The following OSBP variants were observed in gnomAD, a reference collection of about 807,000 sequenced individuals.
The protein encoded by OSBP is oxysterol binding protein, also known as oxysterol-binding protein 1.
In OSBP, 32 loss-of-function variants were observed where a neutral mutation model predicts 96.6. The ratio of observed to expected loss-of-function variants is 0.33; its 90% CI spans 0.25 to 0.45. The LOEUF (loss-of-function observed/expected upper bound fraction) is 0.45, where lower values mean the gene tolerates loss of function less well. Ranked by LOEUF, OSBP falls within the 20% of genes least tolerant of loss-of-function variation. The pLI is 1.00. For missense variants in OSBP, 653 were observed against 1,029.7 expected, an observed-to-expected ratio of 0.63 and a Z score of 5.01; for synonymous variants, 369 against 389.6, an observed-to-expected ratio of 0.95 and a Z score of 0.62.
chr11:59,589,907 CAGG>C (rs768748337), intron 9 of OSBP, among the ~76,000 whole-genome samples: 4 of 151,842 alleles, frequency 2.6e-5, no homozygotes, highest in Non-Finnish European at 5.9e-5. Flanking sequence ...CGCTTGAACC[CAGG>C]AGGAGGAGGT....
intron 7 of OSBP, among the ~76,000 whole-genome samples, chr11:59,596,895 A>G (rs1233065850): frequency 6.6e-6 from 1 of 152,022 alleles, no homozygotes; most frequent in Non-Finnish European, 1.5e-5. Context: ...GCCTGAAAAA[A>G]CACTTCCTAG....
rs902678365 is a variant in OSBP, at chr11:59,615,633, C to T, written c.32G>A (p.Gly11Glu). The T allele has an allele frequency of 2.9e-6, 4 of 1,384,264 alleles. No individual in the cohort carries two copies. The African/African-American group carries it at 6.0e-5, about 21-fold the overall frequency. 85.7% of individuals were successfully genotyped at this position (1,384,264 alleles called of 1,614,324 possible). The change falls in exon 1 of 14, where the codon GGG (glycine) becomes GAG (glutamate). Residue 11 changes from glycine to glutamate, a missense_variant. Gly to Glu is a moderately conservative substitution (Grantham distance 98, BLOSUM62 -2). This residue lies in a region of OSBP where 151 missense variants were observed against 146.1 expected (regional missense o/e 1.03). Coordinates refer to ENST00000263847, the MANE Select transcript of OSBP (RefSeq NM_002556.3). Reference sequence around the variant, plus strand: ...TGCTGCAATGGCTGCCGGGCCTGGCCCCACCACTCCTCTCAGCTCCGTCGC... The same window carrying T: ...TGCTGCAATGGCTGCCGGGCCTGGCTCCACCACTCCTCTCAGCTCCGTCGC... MAATELRGVV[G>E]PGPAAIAALG...
At chr11:59,614,147 T>G (rs1185963734) in intron 1 of OSBP, among the ~76,000 whole-genome samples, 1 of 152,252 alleles carries the variant, frequency 6.6e-6, no homozygotes, top group African/African-American at 2.4e-5. Flanking sequence ...AATTACTTGC[T>G]ATTGATAAGC....
intron 9 of OSBP, among the ~76,000 whole-genome samples, chr11:59,589,062 A>G (rs1860540832): frequency 6.6e-6 from 1 of 152,082 alleles, no homozygotes; most frequent in South Asian, 2.1e-4. Flanking sequence ...TGGAAAAAGG[A>G]CAAAAAGAAA....
chr11:59,593,478 G>T, intron 9 of OSBP, 126 bp downstream of exon 9: 1 of 1,027,072 alleles, frequency 9.7e-7, no homozygotes. Context: ...CCCAAAGCCA[G>T]TTAGTGAGGG....
rs1860808764 is a variant in OSBP at position 59,608,402 on chromosome 11, T to A, written c.822+82A>T. ...CCCTAATGTTCTGTGCTTTATCAATTACAATTTTTAGGCATTTGGGGAGAA... is the reference window on the plus strand; with the variant it reads ...CCCTAATGTTCTGTGCTTTATCAATAACAATTTTTAGGCATTTGGGGAGAA... On this transcript the variant is annotated intron_variant, in intron 3 of 13. Transcript: ENST00000263847. The A allele has an allele frequency of 2.6e-6, 4 of 1,553,646 alleles. No homozygotes were observed. In the East Asian group the frequency reaches 9.0e-5, roughly 35 times the overall value.
rs1860417959 is a variant in OSBP, at chr11:59,581,355, A to C, written c.1782+96T>G. 7 of 571,978 alleles carry C rather than the reference A, an allele frequency of 1.2e-5. No individual in the cohort carries two copies. The South Asian group carries it at 2.3e-4, about 19-fold the overall frequency. 35.4% of individuals were successfully genotyped at this position (571,978 alleles called of 1,614,324 possible). A position where few individuals can be genotyped will look rare whatever the true frequency, so the allele number is the denominator to read the frequency against. On this transcript the variant is annotated intron_variant, in intron 10 of 13. Transcript: ENST00000263847. Reference sequence around the variant, plus strand: ...GAGAAACTGATGAATCAGTAGCAACATTCTGAGACCAGTTCACATGTCCTA... The same window carrying C: ...GAGAAACTGATGAATCAGTAGCAACCTTCTGAGACCAGTTCACATGTCCTA...
chr11:59,611,938 C>T (rs1198962165), intron 1 of OSBP, among the ~76,000 whole-genome samples: 1 of 152,218 alleles, frequency 6.6e-6, no homozygotes, highest in Non-Finnish European at 1.5e-5. Flanking sequence ...TCCCTACCAC[C>T]CGCTGGTTAT....
intron 11 of OSBP, among the ~76,000 whole-genome samples, chr11:59,579,932 G>C (rs558065817): frequency 1.3e-5 from 2 of 152,076 alleles, no homozygotes; most frequent in South Asian, 2.1e-4. Context: ...GGCTGGGCTC[G>C]AACTCCTGAC....
At chr11:59,607,691 G>C (rs980858257) in intron 3 of OSBP, among the ~76,000 whole-genome samples, 4 of 151,664 alleles carry the variant, frequency 2.6e-5, no homozygotes, top group African/African-American at 9.8e-5. Flanking sequence ...AGAATCAGTA[G>C]AGGAAAAGCA....
At chr11:59,608,766 C>T (rs770128616) in intron 2 of OSBP, 32 bp from the exon 3 acceptor site, 1 of 1,611,218 alleles carries the variant, frequency 6.2e-7, no homozygotes, top group Non-Finnish European at 8.5e-7. Flanking sequence ...TTATATGATT[C>T]CAGAACCAGG....
intron 6 of OSBP, 92 bp from the exon 7 acceptor site, chr11:59,600,719 A>C: frequency 3.2e-6 from 5 of 1,567,762 alleles, no homozygotes; most frequent in Non-Finnish European, 4.3e-6. Context: ...AAAAAGAAAA[A>C]AAAATCAGTT....
chr11:59,588,617 G>A (rs1191122428), intron 9 of OSBP, among the ~76,000 whole-genome samples: 29 of 152,084 alleles, frequency 1.9e-4, no homozygotes, highest in Non-Finnish European at 2.9e-5. Flanking sequence ...ATGGAGGGTG[G>A]TGATGGTTGC....
intron 9 of OSBP, 40 bp downstream of exon 9, chr11:59,593,564 A>G: frequency 6.2e-7 from 1 of 1,611,554 alleles, no homozygotes. Flanking sequence ...AAAACCTTTC[A>G]TTCCAGGAGC....
chr11:59,578,938 ACT>A (rs1375823166), intron 11 of OSBP, among the ~76,000 whole-genome samples: 11 of 152,152 alleles, frequency 7.2e-5, no homozygotes, highest in East Asian at 3.9e-4. Context: ...ATTCAATTAT[ACT>A]CTTTTAGTTA....
chr11:59,578,064 T>G (rs1860380180), intron 12 of OSBP, 85 bp downstream of exon 12: 1 of 1,255,402 alleles, frequency 8.0e-7, no homozygotes, highest in Non-Finnish European at 1.1e-6. Flanking sequence ...CATAATTAAG[T>G]GAGAGGGCAG....
intron 1 of OSBP, among the ~76,000 whole-genome samples, chr11:59,614,437 C>T (rs1211476578): frequency 6.6e-6 from 1 of 152,228 alleles, no homozygotes; most frequent in African/African-American, 2.4e-5. Flanking sequence ...AATCACCTAT[C>T]TTAACTCCTC....
chr11:59,593,796 A>G, intron 8 of OSBP, 72 bp from the exon 9 acceptor site: 1 of 1,584,256 alleles, frequency 6.3e-7, no homozygotes, highest in Non-Finnish European at 8.6e-7. Context: ...AATTGGTGAG[A>G]AACACCAAAA....
intron 11 of OSBP, among the ~76,000 whole-genome samples, chr11:59,579,375 C>A (rs1431408406): frequency 6.6e-6 from 1 of 151,258 alleles, no homozygotes; most frequent in Non-Finnish European, 1.5e-5. Flanking sequence ...CTCTTGCTGC[C>A]CAGGCTGGAG....
Sources: gnomAD v4.1 joint callset for allele counts (sites outside exome capture counted in the v4.1 genomes callset) on GRCh38, gnomAD v4.1.1 for gene constraint, gnomAD v4.1.1 regional missense constraint, MANE v1.5 for transcripts, NCBI Gene and HGNC (gene_info 2026-07-23, HGNC 2026-07-21) for gene names.